The following CEP164 variants were observed in gnomAD, a reference collection of about 807,000 sequenced individuals.
The protein encoded by CEP164 is centrosomal protein of 164 kDa.
A neutral mutation model predicts 182.7 loss-of-function variants in CEP164; 162 were observed. That is an observed-to-expected ratio of 0.89 (90% CI 0.78 to 1.01). The LOEUF is 1.01. Among genes scored for constraint, CEP164 ranks in the 50% least tolerant of loss-of-function variants. The pLI is 0.00. For synonymous variants in CEP164, 661 were observed against 690.0 expected (o/e 0.96, Z 0.66); for missense variants, 1,735 against 1,790.4 (o/e 0.97, Z 0.56).
Position 117,366,501 on chromosome 11 carries a change from C to T in CEP164, c.765+2995C>T, listed in dbSNP as rs537283919. Among the ~76,000 whole-genome samples, 21 of 152,250 alleles carry T rather than the reference C, an allele frequency of 1.4e-4. 1 individual carries two copies. The highest frequency in any genetic ancestry group is 4.8e-4 in the African/African-American group (20 of 41,534). ...TTCATGGAACCGACACTGAACAGGG[C>T]GAGCAAATCCAGGAGGCTGAAGGGT... is the stretch of plus-strand genomic sequence containing the variant. On this transcript the variant is annotated intron_variant, in intron 8 of 32. Coordinates refer to ENST00000278935, the MANE Select transcript of CEP164 (RefSeq NM_014956.5).
chr11:117,350,961 G>C (rs2039541455), intron 4 of CEP164, among the ~76,000 whole-genome samples: 1 of 152,174 alleles, frequency 6.6e-6, no homozygotes, highest in Non-Finnish European at 1.5e-5. Context: ...TTGAAAAACA[G>C]ATTCTTGAAA....
intron 12 of CEP164, 28 bp downstream of exon 12, chr11:117,380,733 C>T (rs759229957): frequency 3.7e-5 from 58 of 1,568,558 alleles, no homozygotes; most frequent in African/African-American, 2.7e-5. Context: ...CTATCCCCAG[C>T]GCTGTGCCTT....
intron 15 of CEP164, among the ~76,000 whole-genome samples, chr11:117,389,222 G>A (rs1330730862): frequency 6.6e-6 from 1 of 152,136 alleles, no homozygotes; most frequent in Non-Finnish European, 1.5e-5. Flanking sequence ...AATTCCCTGA[G>A]CGCACAGCAC....
chr11:117,338,809 G>A (rs2037612127), intron 3 of CEP164, 141 bp downstream of exon 3: 1 of 675,022 alleles, frequency 1.5e-6, no homozygotes, highest in Admixed American at 2.8e-5. Flanking sequence ...GATCAAATGT[G>A]AGCCTACCTT....
Position 117,394,790 on chromosome 11 carries a change from G to T in CEP164, c.2761-130G>T. On this transcript the variant is annotated intron_variant, in intron 21 of 32. Coordinates refer to ENST00000278935, the MANE Select transcript of CEP164 (RefSeq NM_014956.5). This position sits in a 1 kb window ranked among gnomAD's most constrained non-coding sequence, Gnocchi z 4.0. ...GGAGCCTTCCTGGGAGGCTGCAGGG[G>T]CACACAGCGAGGAAGCCTGAGCCCA... 1.0e-6 allele frequency: 1 copy of T among 997,930 alleles called. No individual in the cohort carries two copies. The highest frequency in any genetic ancestry group is 1.5e-6 in the Non-Finnish European group (1 of 654,332). The allele number at this position is 997,930 out of a possible 1,614,324, so 61.8% of individuals were successfully genotyped here. A position where few individuals can be genotyped will look rare whatever the true frequency, so the allele number is the denominator to read the frequency against.
At chr11:117,322,177 G>A (rs1222060602) in intron 1 of CEP164, among the ~76,000 whole-genome samples, 2 of 152,028 alleles carry the variant, frequency 1.3e-5, no homozygotes, top group African/African-American at 2.4e-5. Flanking sequence ...GTACAGTGGC[G>A]TGATCTTGGC....
At chr11:117,403,551 G>A (rs1364823074) in intron 27 of CEP164, among the ~76,000 whole-genome samples, 1 of 152,150 alleles carries the variant, frequency 6.6e-6, no homozygotes, top group African/African-American at 2.4e-5. Context: ...TTCCCTTTGT[G>A]GGTAACCCGA....
intron 3 of CEP164, among the ~76,000 whole-genome samples, chr11:117,339,778 C>T (rs2037817660): frequency 6.6e-6 from 1 of 151,664 alleles, no homozygotes; most frequent in Non-Finnish European, 1.5e-5. Context: ...GATCTTCCCA[C>T]CTCCACTTCC....
chr11:117,348,282 ATCAATTAAAAAATTG>A (rs1280650771), intron 4 of CEP164, among the ~76,000 whole-genome samples: 4 of 152,128 alleles, frequency 2.6e-5, no homozygotes, highest in African/African-American at 9.7e-5. Flanking sequence ...TAGAAATATT[ATCAATTAAAAAATTG>A]TCAATTAAAA....
In CEP164 at chr11:117,395,564, T is replaced by TC. The variant is rs1202822122; in HGVS notation, c.2932dup (p.Gln978ProfsTer25). 3.1e-6 allele frequency: 5 copies of TC among 1,612,154 alleles called. No homozygotes were observed. The highest frequency in any genetic ancestry group is 4.2e-6 in the Non-Finnish European group (5 of 1,179,078). ...GCCCCTAGGAAGCCACAGCCACCCA[T>TC]CAGCAGCTGGAGGAGGCACAGAAGG... On this transcript the variant is annotated frameshift_variant, in exon 24 of 33. Transcript: ENST00000278935. LOFTEE classifies it high-confidence loss of function.
At chr11:117,347,003 A>G (rs751723735) in intron 4 of CEP164, among the ~76,000 whole-genome samples, 41 of 152,092 alleles carry the variant, frequency 2.7e-4, no homozygotes, top group Non-Finnish European at 5.3e-4. Flanking sequence ...TTTAATATAC[A>G]TGTATGCACC....
rs1391541939 is a variant in CEP164, at chr11:117,375,722, C to T, written c.1248C>T (p.Arg416=). Residue 416 remains arginine, a synonymous_variant, in exon 11 of 33, where the codon CGC becomes CGT. Coordinates refer to ENST00000278935, the MANE Select transcript of CEP164 (RefSeq NM_014956.5). ...ACTGTCTCCAGGACTTCGGTTTTCG[C>T]AGCCGGATCTCGGAGCACCTGCTGG... ...KSFHGLDFGF[R]SRISEHLLDV... 17 of 1,614,030 alleles carry T rather than the reference C, an allele frequency of 1.1e-5. No individual in the cohort carries two copies. Among genetic ancestry groups the T allele is most frequent in the Non-Finnish European group, 1.4e-5 (17 of 1,180,026 alleles).
chr11:117,397,628 C>A (rs887067807), intron 27 of CEP164, among the ~76,000 whole-genome samples: 8 of 152,150 alleles, frequency 5.3e-5, no homozygotes, highest in Non-Finnish European at 8.8e-5. Context: ...AGAATCATGG[C>A]AGGAGGCGAA....
chr11:117,340,961 G>T (rs971465860), intron 3 of CEP164, among the ~76,000 whole-genome samples: 1 of 152,104 alleles, frequency 6.6e-6, no homozygotes, highest in African/African-American at 2.4e-5. Context: ...CAAGTAGCTG[G>T]GACTACAGGT....
At chr11:117,356,283 G>T in intron 5 of CEP164, 1 of 1,102,112 alleles carries the variant, frequency 9.1e-7, no homozygotes, top group Non-Finnish European at 1.1e-6. Flanking sequence ...ATCTCCAGGT[G>T]GCCGGAGGGC....
At chr11:117,382,984 G>T in intron 14 of CEP164, 42 bp downstream of exon 14, 1 of 1,591,158 alleles carries the variant, frequency 6.3e-7, no homozygotes. Flanking sequence ...CCTCCACTGC[G>T]TGTGGGCTGC....
At chr11:117,322,268 A>C (rs942508763) in intron 1 of CEP164, among the ~76,000 whole-genome samples, 4 of 151,966 alleles carry the variant, frequency 2.6e-5, no homozygotes, top group African/African-American at 9.7e-5. Context: ...GGCGTGTACC[A>C]CCATGCCCGG....
At chr11:117,385,174 A>G (rs990410527) in intron 14 of CEP164, 2 of 152,092 alleles carry the variant, frequency 1.3e-5, no homozygotes, top group African/African-American at 4.8e-5. Flanking sequence ...TCTCTCCCGT[A>G]TCTTTGAGCT....
In CEP164 at chr11:117,411,164, C is replaced by A; in HGVS notation, c.4163+270C>A. 2.3e-6 allele frequency: 1 copy of A among 429,382 alleles called. No homozygotes were observed. Among genetic ancestry groups the A allele is most frequent in the South Asian group, 3.1e-5 (1 of 32,538 alleles). 26.6% of individuals were successfully genotyped at this position (429,382 alleles called of 1,614,324 possible). A position where few individuals can be genotyped will look rare whatever the true frequency, so the allele number is the denominator to read the frequency against. On this transcript the variant is annotated intron_variant, in intron 31 of 32. Coordinates refer to ENST00000278935, the MANE Select transcript of CEP164 (RefSeq NM_014956.5). The surrounding 1 kb of genome is among the most constrained non-coding windows in gnomAD (Gnocchi z 4.4). ...CCCCCTGAGGAAGCTGCCCTCTGGC[C>A]CCTGTGGGGAGGAGTCAGCCCCTGG...
Sources: allele counts gnomAD v4.1 joint callset (sites outside exome capture counted in the v4.1 genomes callset), GRCh38; gene constraint gnomAD v4.1.1; non-coding constraint Gnocchi (gnomAD v3.1); transcripts MANE v1.5; gene names NCBI Gene and HGNC (gene_info 2026-07-23, HGNC 2026-07-21).